The following PARD3B variants were observed in gnomAD, a reference collection of about 807,000 sequenced individuals.
PARD3B encodes par-3 family cell polarity regulator beta.
A neutral mutation model predicts 130.2 loss-of-function variants in PARD3B; 103 were observed. The observed-to-expected ratio is 0.79, with a 90% CI of 0.67 to 0.93. The LOEUF is 0.93. Ranked by LOEUF, PARD3B falls within the 40% of genes least tolerant of loss-of-function variation. PARD3B has a pLI of 0.00. For missense variants in PARD3B, 1,609 were observed against 1,499.2 expected, an observed-to-expected ratio of 1.07 and a Z score of -1.21; for synonymous variants, 583 against 553.2, an observed-to-expected ratio of 1.05 and a Z score of -0.76.
intron 21 of PARD3B, among the ~76,000 whole-genome samples, chr2:205,517,641 T>TTGCTTCTCTGATTCTTTCAGTTGTGA (rs1294220882): frequency 6.6e-6 from 1 of 152,186 alleles, no homozygotes; most frequent in Non-Finnish European, 1.5e-5. Flanking sequence ...TGATTCGTTC[T>TTGCTTCTCTGATTCTTTCAGTTGTGA]TGCTTCTCTG....
At chr2:204,556,757 TTTAAAA>T (rs1240399601) in intron 1 of PARD3B, among the ~76,000 whole-genome samples, 24 of 152,268 alleles carry the variant, frequency 1.6e-4, no homozygotes, top group Non-Finnish European at 2.5e-4. Flanking sequence ...TTTGCATGAG[TTTAAAA>T]ATATGTGTAT....
intron 21 of PARD3B, among the ~76,000 whole-genome samples, chr2:205,522,115 ATT>A (rs1409066118): frequency 1.3e-5 from 2 of 149,186 alleles, no homozygotes; most frequent in African/African-American, 5.1e-5. Flanking sequence ...TTTAATAATT[ATT>A]TTTTGTTTTC....
intron 18 of PARD3B, among the ~76,000 whole-genome samples, chr2:205,337,998 A>G (rs1422076003): frequency 6.6e-6 from 1 of 151,494 alleles, no homozygotes. Flanking sequence ...TAGTTTTAAT[A>G]CAAAAATTAG....
At chr2:205,449,536 TA>T in intron 20 of PARD3B, among the ~76,000 whole-genome samples, 1 of 152,162 alleles carries the variant, frequency 6.6e-6, no homozygotes, top group Non-Finnish European at 1.5e-5. Flanking sequence ...TGGCCCCCTT[TA>T]TTTTTCCTCT....
intron 1 of PARD3B, among the ~76,000 whole-genome samples, chr2:204,550,472 A>T (rs1282540316): frequency 6.7e-6 from 1 of 149,696 alleles, no homozygotes; most frequent in Non-Finnish European, 1.5e-5. Context: ...TGAAGTGAAT[A>T]AGGGAAAGGC....
intron 4 of PARD3B, among the ~76,000 whole-genome samples, chr2:205,050,438 T>C (rs1699112268): frequency 6.6e-6 from 1 of 151,694 alleles, no homozygotes; most frequent in African/African-American, 2.4e-5. Context: ...AATATATCCT[T>C]GCATAGCCAA....
chr2:204,710,710 T>C (rs1381530500), intron 2 of PARD3B, among the ~76,000 whole-genome samples: 1 of 152,134 alleles, frequency 6.6e-6, no homozygotes, highest in African/African-American at 2.4e-5. Flanking sequence ...ATTAGAAGAG[T>C]CTAGGAAACT....
chr2:205,307,060 AG>A (rs2042212659), intron 18 of PARD3B, among the ~76,000 whole-genome samples: 1 of 152,206 alleles, frequency 6.6e-6, no homozygotes. Flanking sequence ...CACCTGGCCA[AG>A]GGGGTGAATG....
chr2:204,762,105 C>T (rs2040925988), intron 2 of PARD3B, among the ~76,000 whole-genome samples: 1 of 145,422 alleles, frequency 6.9e-6, no homozygotes, highest in African/African-American at 2.6e-5. Context: ...TTTTCTTTTC[C>T]TTCTTTTTCT....
At chr2:205,068,688 A>T (rs1700541660) in intron 4 of PARD3B, among the ~76,000 whole-genome samples, 1 of 152,294 alleles carries the variant, frequency 6.6e-6, no homozygotes, top group Admixed American at 6.5e-5. Context: ...ATCAAAGTAC[A>T]GCTACTACTA....
chr2:205,329,485 C>T (rs2043039349), intron 18 of PARD3B, among the ~76,000 whole-genome samples: 1 of 152,186 alleles, frequency 6.6e-6, no homozygotes, highest in African/African-American at 2.4e-5. Context: ...AATATTAGAT[C>T]ACACACCATG....
chr2:204,686,107 G>A, intron 1 of PARD3B, 74 bp from the exon 2 acceptor site: 5 of 999,484 alleles, frequency 5.0e-6, no homozygotes, highest in Admixed American at 1.9e-5. Flanking sequence ...GTTAACTTAT[G>A]TCTCTTAACA....
At chr2:204,910,784 G>T (rs2047205607) in intron 2 of PARD3B, among the ~76,000 whole-genome samples, 1 of 152,132 alleles carries the variant, frequency 6.6e-6, no homozygotes, top group Non-Finnish European at 1.5e-5. Context: ...TGGGACTACA[G>T]GCGTGCACCA....
chr2:204,713,913 A>G (rs1218338960), intron 2 of PARD3B, among the ~76,000 whole-genome samples: 1 of 152,132 alleles, frequency 6.6e-6, no homozygotes, highest in Non-Finnish European at 1.5e-5. Context: ...GGTATTTGGA[A>G]AGGTCTAGAT....
chr2:205,164,732 G>C (rs564478278), intron 11 of PARD3B, among the ~76,000 whole-genome samples: 8 of 151,628 alleles, frequency 5.3e-5, no homozygotes, highest in Non-Finnish European at 1.2e-4. Flanking sequence ...ATATAGCATG[G>C]TAATGATGCT....
At chr2:205,037,124 T>G (rs982021324) in intron 3 of PARD3B, among the ~76,000 whole-genome samples, 3 of 128,128 alleles carry the variant, frequency 2.3e-5, no homozygotes, top group Non-Finnish European at 3.5e-5. Flanking sequence ...AAAACAAATA[T>G]ACATATATAG....
intron 15 of PARD3B, among the ~76,000 whole-genome samples, chr2:205,196,166 C>T (rs1048645384): frequency 6.6e-6 from 1 of 152,172 alleles, no homozygotes; most frequent in Non-Finnish European, 1.5e-5. Context: ...TGTGAGTGCT[C>T]CTAGAAAGCA....
At chr2:205,304,368 G>A (rs2042115491) in intron 18 of PARD3B, among the ~76,000 whole-genome samples, 1 of 152,118 alleles carries the variant, frequency 6.6e-6, no homozygotes, top group African/African-American at 2.4e-5. Flanking sequence ...AGGCATAGTG[G>A]CCCAAGCCTG....
chr2:205,425,920 G>C (rs1197083388), intron 19 of PARD3B, among the ~76,000 whole-genome samples: 3 of 152,212 alleles, frequency 2.0e-5, no homozygotes, highest in African/African-American at 4.8e-5. Flanking sequence ...TAAACAAAGA[G>C]TCAATTAATG....
Sources: allele counts gnomAD v4.1 joint callset (sites outside exome capture counted in the v4.1 genomes callset), GRCh38; gene constraint gnomAD v4.1.1; transcripts MANE v1.5; gene names NCBI Gene and HGNC (gene_info 2026-07-23, HGNC 2026-07-21).